Variants in CCDC192 observed in about 807,000 individuals in gnomAD.
CCDC192 encodes the protein coiled-coil domain-containing protein 192.
At chr5:127,723,314 ACAACTTTACTAAAT>A (rs1752130857) in intron 2 of CCDC192, among the ~76,000 whole-genome samples, 1 of 151,204 alleles carries the variant, frequency 6.6e-6, no homozygotes, top group Non-Finnish European at 1.5e-5. Context: ...TTTGTATTCT[ACAACTTTACTAAAT>A]TTGTTTGTCA....
chr5:127,849,702 G>T (rs1245617977), intron 5 of CCDC192, among the ~76,000 whole-genome samples: 2 of 152,230 alleles, frequency 1.3e-5, no homozygotes, highest in Non-Finnish European at 2.9e-5. Context: ...GAGGTGGAGA[G>T]AGATACAAGA....
chr5:127,783,503 T>C (rs1472514746), intron 3 of CCDC192, among the ~76,000 whole-genome samples: 1 of 152,250 alleles, frequency 6.6e-6, no homozygotes, highest in African/African-American at 2.4e-5. Flanking sequence ...ATGATTTCAA[T>C]TTCCTTAAAT....
intron 5 of CCDC192, among the ~76,000 whole-genome samples, chr5:127,813,601 C>T (rs1257151701): frequency 6.6e-6 from 1 of 152,046 alleles, no homozygotes; most frequent in African/African-American, 2.4e-5. Flanking sequence ...TAAAAAGCGA[C>T]CTGGAAGAGT....
At chr5:127,785,166 A>T (rs1756467600) in intron 3 of CCDC192, 1 of 527,734 alleles carries the variant, frequency 1.9e-6, no homozygotes, top group Non-Finnish European at 3.9e-6. Context: ...TAAAGCAGTT[A>T]GTTACCAATT....
intron 3 of CCDC192, among the ~76,000 whole-genome samples, chr5:127,779,469 G>A (rs1335052541): frequency 6.6e-6 from 1 of 151,088 alleles, no homozygotes; most frequent in African/African-American, 2.5e-5. Flanking sequence ...CTAATTTATT[G>A]TATTTTTAGT....
At chr5:127,835,514 C>G (rs933148089) in intron 5 of CCDC192, among the ~76,000 whole-genome samples, 1 of 152,174 alleles carries the variant, frequency 6.6e-6, no homozygotes, top group East Asian at 1.9e-4. Flanking sequence ...CTCTCTCCCT[C>G]TATTAGAATG....
At chr5:127,784,046 T>C (rs1756395730) in intron 3 of CCDC192, among the ~76,000 whole-genome samples, 1 of 152,216 alleles carries the variant, frequency 6.6e-6, no homozygotes, top group African/African-American at 2.4e-5. Flanking sequence ...GGAGAGTCTC[T>C]TGAAGGCAGA....
chr5:127,823,326 G>A (rs1749382576), intron 5 of CCDC192, among the ~76,000 whole-genome samples: 1 of 152,074 alleles, frequency 6.6e-6, no homozygotes, highest in African/African-American at 2.4e-5. Context: ...CCAGGTCTTG[G>A]GTCAGAGAGA....
At chr5:127,841,081 A>C (rs141046530) in intron 5 of CCDC192, among the ~76,000 whole-genome samples, 126 of 152,344 alleles carry the variant, frequency 8.3e-4, no homozygotes, top group Admixed American at 2.8e-3. Flanking sequence ...AATACTTTAC[A>C]GTGCCAGGAA....
intron 5 of CCDC192, among the ~76,000 whole-genome samples, chr5:127,829,049 C>G (rs1350599567): frequency 1.3e-5 from 2 of 152,002 alleles, no homozygotes; most frequent in African/African-American, 4.8e-5. Flanking sequence ...GACACGGAAG[C>G]CATAATGGGT....
At chr5:127,931,768 G>A (rs1754034817) in intron 6 of CCDC192, among the ~76,000 whole-genome samples, 1 of 152,038 alleles carries the variant, frequency 6.6e-6, no homozygotes, top group Non-Finnish European at 1.5e-5. Flanking sequence ...GCCAGACTTG[G>A]GGAACAATTT....
intron 2 of CCDC192, among the ~76,000 whole-genome samples, chr5:127,745,846 T>C (rs1251200388): frequency 3.3e-5 from 5 of 152,180 alleles, no homozygotes; most frequent in African/African-American, 1.2e-4. Context: ...GGAAGTAAAA[T>C]AAAATTAATT....
At chr5:127,769,426 T>G (rs1047753539) in intron 3 of CCDC192, among the ~76,000 whole-genome samples, 1 of 152,026 alleles carries the variant, frequency 6.6e-6, no homozygotes, top group Non-Finnish European at 1.5e-5. Context: ...TGTGTGTGTG[T>G]GTGTGTGTGT....
At chr5:127,867,213 G>T (rs534416032) in intron 5 of CCDC192, among the ~76,000 whole-genome samples, 11 of 152,182 alleles carry the variant, frequency 7.2e-5, no homozygotes, top group Non-Finnish European at 7.3e-5. Context: ...ACACATGCCT[G>T]TGCTTTCTGA....
chr5:127,843,732 C>T (rs1750402057), intron 5 of CCDC192, among the ~76,000 whole-genome samples: 1 of 152,184 alleles, frequency 6.6e-6, no homozygotes, highest in Admixed American at 6.5e-5. Context: ...GCCACCTCGC[C>T]CAGCCCCAAG....
chr5:127,923,335 G>A (rs962961934), intron 6 of CCDC192, among the ~76,000 whole-genome samples: 16 of 151,808 alleles, frequency 1.1e-4, no homozygotes, highest in Non-Finnish European at 2.4e-4. Context: ...AGTATTTTAG[G>A]GGTCCTCCCT....
intron 5 of CCDC192, among the ~76,000 whole-genome samples, chr5:127,802,941 CTCTT>C (rs1757583052): frequency 6.6e-6 from 1 of 152,154 alleles, no homozygotes; most frequent in South Asian, 2.1e-4. Context: ...ATGAGGCTGA[CTCTT>C]TCAAATATAA....
intron 2 of CCDC192, among the ~76,000 whole-genome samples, chr5:127,743,084 G>A (rs1753514283): frequency 6.6e-6 from 1 of 152,008 alleles, no homozygotes; most frequent in African/African-American, 2.4e-5. Flanking sequence ...TTCAGCCCAA[G>A]AGAGACACAG....
chr5:127,746,959 T>C (rs1271219203), intron 2 of CCDC192, among the ~76,000 whole-genome samples: 1 of 152,138 alleles, frequency 6.6e-6, no homozygotes, highest in Non-Finnish European at 1.5e-5. Context: ...CAGATGGCTC[T>C]ATTGTATCAT....
Sources: allele counts gnomAD v4.1 joint callset (sites outside exome capture counted in the v4.1 genomes callset), GRCh38; gene constraint gnomAD v4.1.1; transcripts MANE v1.5; gene names NCBI Gene and HGNC (gene_info 2026-07-23, HGNC 2026-07-21).